PLA2G1B: variants seen among roughly 807,000 people sequenced by gnomAD.
PLA2G1B encodes phospholipase A2 group IB, also known as phospholipase A2.
In PLA2G1B, 12 loss-of-function variants were observed where a neutral mutation model predicts 12.5. The observed-to-expected ratio is 0.96, with a 90% CI of 0.62 to 1.56. The LOEUF (loss-of-function observed/expected upper bound fraction) is 1.56, where lower values mean the gene tolerates loss of function less well. PLA2G1B is among the 40% of genes most tolerant of loss of function. The probability of loss-of-function intolerance (pLI) is 0.00; values close to 1 mark genes in which losing one functional copy is unlikely to be tolerated. For missense variants in PLA2G1B, 189 were observed against 186.7 expected (o/e 1.01, Z -0.07); for synonymous variants, 81 against 73.4 (o/e 1.10, Z -0.53).
intron 2 of PLA2G1B, 123 bp downstream of exon 2, chr12:120,325,738 G>A (rs998287174): frequency 3.4e-6 from 3 of 893,054 alleles, no homozygotes; most frequent in Non-Finnish European, 5.2e-6. Context: ...TTTGACAAGA[G>A]GTGAAAATAT....
Position 120,322,202 on chromosome 12 carries a change from A to G in PLA2G1B, c.438T>C (p.Cys146=), listed in dbSNP as rs772864413. 10 of 1,614,058 alleles carry G rather than the reference A, an allele frequency of 6.2e-6. No individual in the cohort carries two copies. The highest frequency in any genetic ancestry group is 8.5e-6 in the Non-Finnish European group (10 of 1,180,002). Residue 146 remains cysteine (C), a synonymous_variant, in exon 4 of 4, where the codon TGT becomes TGC. Transcript: ENST00000308366. ...TTTTGAGAGGTGATATTCAACTCTGACAATACTTCTTGGTGTCCAGGTTCT... is the reference window on the plus strand; with the variant it reads ...TTTTGAGAGGTGATATTCAACTCTGGCAATACTTCTTGGTGTCCAGGTTCT... ...AHKNLDTKKY[C]QS is the part of the protein sequence containing the mutation.
chr12:120,323,143 T>C (rs1565875482), intron 3 of PLA2G1B, among the ~76,000 whole-genome samples: 1 of 152,218 alleles, frequency 6.6e-6, no homozygotes, highest in East Asian at 1.9e-4. Flanking sequence ...TTGTTTACTT[T>C]TATAACCAAA....
At position 120,322,270 on chromosome 12, in the gene PLA2G1B, C is replaced by T. The variant is rs369316608; in HGVS notation, c.370G>A (p.Ala124Thr). Residue 124 changes from alanine (A) to threonine (T), a missense_variant, in exon 4 of 4, where the codon GCT (alanine) becomes ACT (threonine). Ala to Thr is a moderately conservative substitution (Grantham distance 58). Coordinates refer to ENST00000308366, the MANE Select transcript of PLA2G1B (RefSeq NM_000928.3). ...GGAGCTTTTGAAAAGCAGATGGCAG[C>T]GTTGCGGTCGCAGTTGCAAATGAAG... ...EAFICNCDRN[A>T]AICFSKAPYN... 9.9e-6 allele frequency: 16 copies of T among 1,613,760 alleles called. No homozygotes were observed. Among genetic ancestry groups the T allele is most frequent in the Middle Eastern group, 1.6e-4 (1 of 6,082 alleles).
chr12:120,327,760 G>T lies in PLA2G1B; in HGVS notation c.-7C>A, dbSNP rs1232538989. ...CTAGCACAAGGAGTTTCATCTTGCA[G>T]TCAAGGTGAGAAAAGAACTGAGATG... is the stretch of plus-strand genomic sequence containing the variant. On this transcript the variant is annotated 5_prime_UTR_variant, in exon 1 of 4. The change creates a new upstream start codon in the 5' untranslated region. Transcript: ENST00000308366. 1 of 1,613,174 alleles carries T rather than the reference G, an allele frequency of 6.2e-7. No homozygotes were observed. Among genetic ancestry groups the T allele is most frequent in the South Asian group, 1.1e-5 (1 of 91,076 alleles).
chr12:120,327,273 C>T (rs1045396669), intron 1 of PLA2G1B, among the ~76,000 whole-genome samples: 1 of 151,480 alleles, frequency 6.6e-6, no homozygotes, highest in African/African-American at 2.4e-5. Context: ...CCAGCCTGGG[C>T]GACAGAGTGA....
Position 120,325,032 on chromosome 12 carries a change from T to A in PLA2G1B, c.224A>T (p.Asp75Val), listed in dbSNP as rs774834157. 4 of 1,613,982 alleles carry A rather than the reference T, an allele frequency of 2.5e-6. No individual in the cohort carries two copies. Among genetic ancestry groups the A allele is most frequent in the Non-Finnish European group, 1.7e-6 (2 of 1,179,976 alleles). The change falls in exon 3 of 4, where the codon GAC becomes GTC. Residue 75 changes from aspartate to valine, a missense_variant. Asp to Val is a radical substitution (Grantham distance 152). Coordinates refer to ENST00000308366, the MANE Select transcript of PLA2G1B (RefSeq NM_000928.3). ...ACAGCTGTCCAGCTTCTTGGCCTGG[T>A]CATAGCAGTTGTCATGTGTCTGGCA... The part of the protein sequence containing the change: ...KCCQTHDNCY[D>V]QAKKLDSCKF...
chr12:120,324,541 G>A (rs1182477086), intron 3 of PLA2G1B, among the ~76,000 whole-genome samples: 11 of 152,046 alleles, frequency 7.2e-5, no homozygotes, highest in African/African-American at 1.9e-4. Flanking sequence ...GGTGGTGCAC[G>A]CTCGTAGTCC....
intron 3 of PLA2G1B, among the ~76,000 whole-genome samples, chr12:120,323,684 A>G (rs970152476): frequency 1.3e-5 from 2 of 151,962 alleles, no homozygotes; most frequent in African/African-American, 4.8e-5. Flanking sequence ...CTCTGGGGAG[A>G]GGGTTCATAG....
intron 2 of PLA2G1B, 65 bp downstream of exon 2, chr12:120,325,796 C>A: frequency 6.7e-7 from 1 of 1,496,960 alleles, no homozygotes; most frequent in Non-Finnish European, 9.2e-7. Flanking sequence ...CTCGTGAGAT[C>A]CTTGGCGTGT....
chr12:120,324,833 C>T (rs1873305625), intron 3 of PLA2G1B, 101 bp downstream of exon 3: 2 of 1,279,524 alleles, frequency 1.6e-6, no homozygotes, highest in Admixed American at 3.5e-5. Flanking sequence ...TGCCCAGAAC[C>T]AAGAAAATTA....
intron 1 of PLA2G1B, among the ~76,000 whole-genome samples, chr12:120,327,473 T>A (rs1334061003): frequency 6.6e-6 from 1 of 152,128 alleles, no homozygotes; most frequent in Non-Finnish European, 1.5e-5. Context: ...AGACCCTGTC[T>A]GGAAAAAAGA....
chr12:120,325,884 G>T lies in PLA2G1B; in HGVS notation c.171C>A (p.Gly57=). 6.2e-7 allele frequency: 1 copy of T among 1,613,954 alleles called. No individual in the cohort carries two copies. Among genetic ancestry groups the T allele is most frequent in the South Asian group, 1.1e-5 (1 of 91,074 alleles). ...YGCYCGLGGS[G]TPVDELDKCC... ...ACTTGTCCAGTTCATCCACGGGGGT[G>T]CCTGAGCCCCCCAAGCCACAGTAGC... The change falls in exon 2 of 4, where the codon GGC becomes GGA. Residue 57 remains glycine (G), a synonymous_variant. Transcript: ENST00000308366.
Position 120,325,865 on chromosome 12 carries a change from C to T in PLA2G1B, c.190G>A (p.Asp64Asn). 6.2e-7 allele frequency: 1 copy of T among 1,613,894 alleles called. No homozygotes were observed. The highest frequency in any genetic ancestry group is 1.1e-5 in the South Asian group (1 of 91,062). Residue 64 changes from aspartate to asparagine, a missense_variant, in exon 2 of 4, where the codon GAC (aspartate) becomes AAC (asparagine). Transcript: ENST00000308366. ...TCCTGCAGGCGGATCACTTACTTGT[C>T]CAGTTCATCCACGGGGGTGCCTGAG... ...GGSGTPVDEL[D>N]KCCQTHDNCY...
chr12:120,324,792 A>G (rs1873305185), intron 3 of PLA2G1B, 142 bp downstream of exon 3: 1 of 797,920 alleles, frequency 1.3e-6, no homozygotes, highest in African/African-American at 1.7e-5. Flanking sequence ...TACCTATCCC[A>G]TAGTGTTGTT....
chr12:120,327,195 T>G (rs1428998348), intron 1 of PLA2G1B, among the ~76,000 whole-genome samples: 2 of 151,970 alleles, frequency 1.3e-5, no homozygotes, highest in African/African-American at 4.8e-5. Context: ...CTTGAGAGGC[T>G]GAGGCAAGAG....
intron 3 of PLA2G1B, among the ~76,000 whole-genome samples, chr12:120,324,502 C>T (rs1873297312): frequency 6.6e-6 from 1 of 151,372 alleles, no homozygotes; most frequent in Non-Finnish European, 1.5e-5. Context: ...CCAGTCTCTA[C>T]AAAAAAATTT....
chr12:120,324,481 C>T (rs543257223), intron 3 of PLA2G1B, among the ~76,000 whole-genome samples: 54 of 151,806 alleles, frequency 3.6e-4, no homozygotes, highest in African/African-American at 1.0e-3. Context: ...GCCTGGCCAA[C>T]GTAGTAAGAC....
intron 1 of PLA2G1B, 105 bp downstream of exon 1, chr12:120,327,615 G>T: frequency 9.1e-7 from 1 of 1,101,612 alleles, no homozygotes; most frequent in Non-Finnish European, 1.4e-6. Context: ...AGACTGCGGG[G>T]CTGGCCATCC....
chr12:120,326,766 C>G (rs11065084), intron 1 of PLA2G1B, among the ~76,000 whole-genome samples: 58,958 of 151,442 alleles, frequency 0.39, 13,598 homozygotes, highest in South Asian at 0.54. Flanking sequence ...GTCATGAGAT[C>G]GAGACCATCC....
Sources: gnomAD v4.1 joint callset for allele counts (sites outside exome capture counted in the v4.1 genomes callset) on GRCh38, gnomAD v4.1.1 for gene constraint, MANE v1.5 for transcripts, NCBI Gene and HGNC (gene_info 2026-07-23, HGNC 2026-07-21) for gene names.